COL5A2: variants seen among roughly 807,000 people sequenced by gnomAD.
The protein encoded by COL5A2 is collagen alpha-2(V) chain.
COL5A2 carries 23 observed loss-of-function variants against 208.2 expected under a neutral mutation model. The observed-to-expected ratio is 0.11, with a 90% CI of 0.08 to 0.16. COL5A2 has a LOEUF of 0.16. COL5A2 is among the 10% of genes least tolerant of loss of function. The probability of loss-of-function intolerance (pLI) is 1.00; values close to 1 mark genes in which losing one functional copy is unlikely to be tolerated. For missense variants in COL5A2, 1,590 were observed against 1,956.4 expected (o/e 0.81, Z 3.53); for synonymous variants, 625 against 628.5 (o/e 0.99, Z 0.08).
At chr2:189,144,357 CAAAG>C (rs1440846284) in intron 1 of COL5A2, among the ~76,000 whole-genome samples, 1 of 151,924 alleles carries the variant, frequency 6.6e-6, no homozygotes, top group Non-Finnish European at 1.5e-5. Flanking sequence ...AGAATCTTCT[CAAAG>C]GAGAGGGGAG....
intron 1 of COL5A2, among the ~76,000 whole-genome samples, chr2:189,218,173 A>G (rs1000930295): frequency 6.6e-6 from 1 of 152,204 alleles, no homozygotes; most frequent in African/African-American, 2.4e-5. Flanking sequence ...AGTTGCTGTT[A>G]TAGGTTTTCA....
At chr2:189,114,925 A>G (rs1687358472) in intron 1 of COL5A2, among the ~76,000 whole-genome samples, 1 of 152,102 alleles carries the variant, frequency 6.6e-6, no homozygotes, top group Non-Finnish European at 1.5e-5. Flanking sequence ...AAGAACGCCA[A>G]AACTATAATT....
chr2:189,154,732 G>A (rs925827295), intron 1 of COL5A2, among the ~76,000 whole-genome samples: 4 of 151,976 alleles, frequency 2.6e-5, no homozygotes, highest in African/African-American at 9.7e-5. Context: ...AAAGCACTGG[G>A]ATTTCAGGAG....
chr2:189,124,941 C>T (rs1196985646), intron 1 of COL5A2, among the ~76,000 whole-genome samples: 1 of 151,904 alleles, frequency 6.6e-6, no homozygotes, highest in Non-Finnish European at 1.5e-5. Flanking sequence ...AGCATATGAT[C>T]TAATAAAAAA....
chr2:189,434,059 T>C, the COL5A2 span, among the ~76,000 whole-genome samples: 1 of 152,102 alleles, frequency 6.6e-6, no homozygotes, highest in Admixed American at 6.6e-5. Flanking sequence ...ATCCATCACA[T>C]AAATAGAACC....
At chr2:189,265,124 A>G in the COL5A2 span, among the ~76,000 whole-genome samples, 3 of 152,200 alleles carry the variant, frequency 2.0e-5, no homozygotes, top group Admixed American at 1.3e-4. Context: ...CCTAAGTATT[A>G]TAAGAACAAA....
chr2:189,130,943 T>A (rs578261398), intron 1 of COL5A2, among the ~76,000 whole-genome samples: 1 of 152,230 alleles, frequency 6.6e-6, no homozygotes, highest in South Asian at 2.1e-4. Flanking sequence ...CTTAAAGAGC[T>A]TATACTCTAG....
chr2:189,239,069 A>G, the COL5A2 span, among the ~76,000 whole-genome samples: 1 of 152,170 alleles, frequency 6.6e-6, no homozygotes, highest in Non-Finnish European at 1.5e-5. Flanking sequence ...GTCATCCCAA[A>G]TGAACTTTGG....
chr2:189,054,297 A>T, intron 35 of COL5A2, 85 bp from the exon 36 acceptor site: 1 of 996,326 alleles, frequency 1.0e-6, no homozygotes, highest in South Asian at 1.4e-5. Flanking sequence ...CAAAAAAGAA[A>T]CGACTATTTT....
At chr2:189,371,087 T>A in the COL5A2 span, among the ~76,000 whole-genome samples, 1 of 152,010 alleles carries the variant, frequency 6.6e-6, no homozygotes, top group Admixed American at 6.6e-5. Context: ...TAAAAGAGCA[T>A]GGCACCTCCC....
chr2:189,197,135 G>A (rs1689012308), intron 1 of COL5A2, among the ~76,000 whole-genome samples: 1 of 152,170 alleles, frequency 6.6e-6, no homozygotes, highest in African/African-American at 2.4e-5. Context: ...GTCCTTTGCA[G>A]GGGCATGGAT....
chr2:189,430,456 A>G, the COL5A2 span, among the ~76,000 whole-genome samples: 4 of 152,334 alleles, frequency 2.6e-5, no homozygotes, highest in African/African-American at 9.6e-5. Context: ...AAGCCATGAC[A>G]GACTGTACCT....
chr2:189,418,595 G>C, the COL5A2 span, among the ~76,000 whole-genome samples: 1 of 152,164 alleles, frequency 6.6e-6, no homozygotes, highest in Non-Finnish European at 1.5e-5. Flanking sequence ...ATTTTCCTCT[G>C]ATTTATGGAA....
intron 21 of COL5A2, among the ~76,000 whole-genome samples, 171 bp from the exon 22 acceptor site, chr2:189,066,953 G>A (rs1483913302): frequency 6.6e-6 from 1 of 152,092 alleles, no homozygotes; most frequent in East Asian, 1.9e-4. Context: ...GTTAATATGT[G>A]TAAATTTTTA....
the COL5A2 span, among the ~76,000 whole-genome samples, chr2:189,337,888 G>A: frequency 6.6e-6 from 1 of 152,016 alleles, no homozygotes; most frequent in Admixed American, 6.6e-5. Flanking sequence ...TATTCCCAGA[G>A]GTTCCTGTTT....
chr2:189,078,955 A>C (rs1305882682), intron 15 of COL5A2, 108 bp downstream of exon 15: 4 of 891,438 alleles, frequency 4.5e-6, no homozygotes, highest in Non-Finnish European at 7.3e-6. Context: ...TAGCCAACAT[A>C]TGTTGTCCAT....
At chr2:189,341,806 AAGTG>A in the COL5A2 span, among the ~76,000 whole-genome samples, 5 of 152,162 alleles carry the variant, frequency 3.3e-5, no homozygotes, top group African/African-American at 1.2e-4. Flanking sequence ...TACTTAATCA[AAGTG>A]AGTATCACTT....
chr2:189,314,589 G>C, the COL5A2 span, among the ~76,000 whole-genome samples: 2 of 152,062 alleles, frequency 1.3e-5, no homozygotes, highest in African/African-American at 4.8e-5. Flanking sequence ...CAAAAACACA[G>C]CTGAACTGAA....
chr2:189,135,198 A>T (rs372314744), intron 1 of COL5A2, among the ~76,000 whole-genome samples: 1 of 152,222 alleles, frequency 6.6e-6, no homozygotes, highest in African/African-American at 2.4e-5. Context: ...TCTAATTCAA[A>T]ACAACCAAAT....
Sources: gnomAD v4.1 joint callset for allele counts (sites outside exome capture counted in the v4.1 genomes callset) on GRCh38, gnomAD v4.1.1 for gene constraint, MANE v1.5 for transcripts, NCBI Gene and HGNC (gene_info 2026-07-23, HGNC 2026-07-21) for gene names.